The following PCBD2 variants were observed in gnomAD, a reference collection of about 807,000 sequenced individuals.
PCBD2 encodes pterin-4-alpha-carbinolamine dehydratase 2.
In PCBD2, 12 loss-of-function variants were observed where a neutral mutation model predicts 16.4. That is an observed-to-expected ratio of 0.73 (90% confidence interval 0.47 to 1.19). The LOEUF (loss-of-function observed/expected upper bound fraction) is 1.19. Among genes scored for constraint, PCBD2 ranks in the 50% most tolerant of loss-of-function variants. The pLI is 0.00. For missense variants in PCBD2, 138 were observed against 156.8 expected (o/e 0.88, Z 0.64); for synonymous variants, 58 against 61.8 (o/e 0.94, Z 0.29).
At chr5:134,953,255 T>A (rs1751378734) in intron 2 of PCBD2, among the ~76,000 whole-genome samples, 1 of 151,592 alleles carries the variant, frequency 6.6e-6, no homozygotes, top group African/African-American at 2.4e-5. Flanking sequence ...CTTTGTTTCA[T>A]TTTAATTATG....
chr5:134,929,948 CCT>C (rs1751072316), intron 2 of PCBD2, among the ~76,000 whole-genome samples: 2 of 152,154 alleles, frequency 1.3e-5, no homozygotes, highest in Non-Finnish European at 1.5e-5. Context: ...CCCACCCCAC[CCT>C]CTCAAAGTAT....
intron 2 of PCBD2, among the ~76,000 whole-genome samples, chr5:134,913,268 T>C (rs1462960669): frequency 6.6e-6 from 1 of 152,064 alleles, no homozygotes; most frequent in African/African-American, 2.4e-5. Flanking sequence ...CCCTGAAGAA[T>C]AAAGTAGGGA....
chr5:134,926,379 A>G (rs78676981), intron 2 of PCBD2: 2 of 381,584 alleles, frequency 5.2e-6, no homozygotes, highest in Non-Finnish European at 9.3e-6. Flanking sequence ...AGTTTTTTTT[A>G]TTAGGGTTAA....
At chr5:134,925,128 G>A (rs1263879849) in intron 2 of PCBD2, 8 of 397,662 alleles carry the variant, frequency 2.0e-5, no homozygotes, top group Admixed American at 8.8e-5. Context: ...GGTTGTTTTC[G>A]TTAATGTTAG....
At chr5:134,951,685 T>G (rs2149539807) in intron 2 of PCBD2, among the ~76,000 whole-genome samples, 1 of 152,360 alleles carries the variant, frequency 6.6e-6, no homozygotes, top group South Asian at 2.1e-4. Flanking sequence ...ATTTTGATCT[T>G]TTTCAAGCTA....
rs546454199 is a variant in PCBD2 at position 134,960,801 on chromosome 5, C to G, written c.*120C>G. 5 of 837,724 alleles carry G rather than the reference C, an allele frequency of 6.0e-6. No homozygotes were observed. The highest frequency in any genetic ancestry group is 7.4e-6 in the Non-Finnish European group (4 of 537,140). The allele number at this position is 837,724 out of a possible 1,614,324, so 51.9% of individuals were successfully genotyped here. A position where few individuals can be genotyped will look rare whatever the true frequency, so the allele number is the denominator to read the frequency against. ...CTTTTTTTTAAGACAGAGTGTTGCT[C>G]TGTCGCCCAGGCCAGAGTGCAGTGG... is the stretch of plus-strand genomic sequence containing the variant. On this transcript the variant is annotated 3_prime_UTR_variant, in exon 4 of 4. Transcript: ENST00000254908.
At chr5:134,935,536 A>G (rs1477370043) in intron 2 of PCBD2, among the ~76,000 whole-genome samples, 1 of 152,248 alleles carries the variant, frequency 6.6e-6, no homozygotes, top group East Asian at 1.9e-4. Context: ...CTGTAAATCA[A>G]AATAATTTAC....
intron 2 of PCBD2, among the ~76,000 whole-genome samples, chr5:134,954,071 C>T (rs529867912): frequency 2.0e-5 from 3 of 152,204 alleles, no homozygotes; most frequent in African/African-American, 7.2e-5. Flanking sequence ...GATCCCCCAA[C>T]CTCAACCTCC....
At chr5:134,942,260 AG>A (rs1467406619) in intron 2 of PCBD2, among the ~76,000 whole-genome samples, 1 of 151,572 alleles carries the variant, frequency 6.6e-6, no homozygotes, top group Non-Finnish European at 1.5e-5. Flanking sequence ...GCACACATGG[AG>A]GCTTTGGAGC....
intron 2 of PCBD2, among the ~76,000 whole-genome samples, chr5:134,955,128 AGT>A (rs1491310022): frequency 6.6e-6 from 1 of 151,128 alleles, no homozygotes; most frequent in African/African-American, 2.4e-5. Context: ...ACTTTGCTAC[AGT>A]ATATATATAT....
intron 2 of PCBD2, among the ~76,000 whole-genome samples, chr5:134,939,674 T>G (rs1751201770): frequency 6.6e-6 from 1 of 152,176 alleles, no homozygotes; most frequent in Admixed American, 6.5e-5. Context: ...TCAAAAATAC[T>G]CTTTCTGGAA....
chr5:134,944,933 A>G (rs955672610), intron 2 of PCBD2, among the ~76,000 whole-genome samples: 2 of 152,194 alleles, frequency 1.3e-5, no homozygotes, highest in African/African-American at 4.8e-5. Flanking sequence ...TTGTGTCCCA[A>G]CAGGACATAA....
intron 2 of PCBD2, among the ~76,000 whole-genome samples, chr5:134,956,493 C>T (rs1751416757): frequency 6.6e-6 from 1 of 152,240 alleles, no homozygotes; most frequent in South Asian, 2.1e-4. Flanking sequence ...TGGGAAATGG[C>T]AAGGAATTGT....
chr5:134,923,414 G>T (rs548070918), intron 2 of PCBD2: 6 of 209,348 alleles, frequency 2.9e-5, no homozygotes, highest in Non-Finnish European at 4.7e-5. Flanking sequence ...CGGAATGGGA[G>T]GTGATTCCTA....
intron 2 of PCBD2, among the ~76,000 whole-genome samples, chr5:134,917,417 G>T (rs1204625328): frequency 6.6e-6 from 1 of 152,222 alleles, no homozygotes; most frequent in Non-Finnish European, 1.5e-5. Context: ...GCAGTGGCTG[G>T]GCGCTTGGGT....
Position 134,959,184 on chromosome 5 carries a change from T to C in PCBD2, c.297+64T>C, listed in dbSNP as rs1580896416. 1.6e-5 allele frequency: 19 copies of C among 1,194,820 alleles called. No homozygotes were observed. The South Asian group carries it at 2.3e-4, about 14-fold the overall frequency. The allele number at this position is 1,194,820 out of a possible 1,614,324, so 74.0% of individuals were successfully genotyped here. ...GGAGTTTAAGAAACTTCTTTCTTCC[T>C]TGTCATCTTGTGCAGCTAAATGTCA... On this transcript the variant is annotated intron_variant, in intron 3 of 3. Coordinates refer to ENST00000254908, the MANE Select transcript of PCBD2 (RefSeq NM_032151.5).
intron 2 of PCBD2, among the ~76,000 whole-genome samples, chr5:134,912,987 G>A (rs941475505): frequency 1.3e-5 from 2 of 152,060 alleles, no homozygotes; most frequent in African/African-American, 2.4e-5. Context: ...ATTTCCAATC[G>A]CAACTACTTT....
At chr5:134,916,937 G>A (rs1412353465) in intron 2 of PCBD2, among the ~76,000 whole-genome samples, 2 of 152,226 alleles carry the variant, frequency 1.3e-5, no homozygotes, top group African/African-American at 4.8e-5. Flanking sequence ...CACTAGGAGT[G>A]CTTGGACCCA....
At position 134,940,379 on chromosome 5, in the gene PCBD2, C is replaced by G. The variant is rs1751211353; in HGVS notation, c.217-18661C>G. 2.0e-5 allele frequency among the ~76,000 whole-genome samples: 3 copies of G among 152,120 alleles called. No individual in the cohort carries two copies. In the South Asian group the frequency reaches 6.2e-4, roughly 32 times the overall value. On this transcript the variant is annotated intron_variant, in intron 2 of 3. Coordinates refer to ENST00000254908, the MANE Select transcript of PCBD2 (RefSeq NM_032151.5). ...GTTGTACATTTCTTTTAGAACCACCCCAGTTTATTTCTGACCTTGTGCCCA... is the reference window on the plus strand; with the variant it reads ...GTTGTACATTTCTTTTAGAACCACCGCAGTTTATTTCTGACCTTGTGCCCA...
Sources: gnomAD v4.1 joint callset for allele counts (sites outside exome capture counted in the v4.1 genomes callset) on GRCh38, gnomAD v4.1.1 for gene constraint, MANE v1.5 for transcripts, NCBI Gene and HGNC (gene_info 2026-07-23, HGNC 2026-07-21) for gene names.